Variants in PTBP3 observed in about 807,000 individuals in gnomAD.
PTBP3 encodes the protein polypyrimidine tract binding protein 3.
PTBP3 carries 20 observed loss-of-function variants against 58.7 expected under a neutral mutation model. The ratio of observed to expected loss-of-function variants is 0.34; its 90% CI spans 0.24 to 0.50. The LOEUF is 0.50. Among genes scored for constraint, PTBP3 ranks in the 20% least tolerant of loss-of-function variants. The probability of loss-of-function intolerance (pLI) is 0.98; values close to 1 mark genes in which losing one functional copy is unlikely to be tolerated. For synonymous variants in PTBP3, 185 were observed against 219.8 expected (o/e 0.84, Z 1.40); for missense variants, 509 against 637.2 (o/e 0.80, Z 2.17).
intron 1 of PTBP3, among the ~76,000 whole-genome samples, chr9:112,321,936 C>A (rs1460954759): frequency 1.3e-5 from 2 of 152,040 alleles, no homozygotes; most frequent in East Asian, 3.9e-4. Context: ...GAGATCAAGA[C>A]CATCCTGGCC....
chr9:112,353,560 TC>T, the PTBP3 span, among the ~76,000 whole-genome samples: 2 of 152,004 alleles, frequency 1.3e-5, no homozygotes, highest in African/African-American at 2.4e-5. Flanking sequence ...TTCCTTTTTT[TC>T]CCCTCTTTTC....
At position 112,220,125 on chromosome 9, in the gene PTBP3, C is replaced by G. The variant is rs1309783323; in HGVS notation, c.*3726G>C. ...TTTTGGTTTTAAAAATAGCAGTACACATTAGGTTTTCTAAGGGATAGGTGG... is the reference window on the plus strand; with the variant it reads ...TTTTGGTTTTAAAAATAGCAGTACAGATTAGGTTTTCTAAGGGATAGGTGG... On this transcript the variant is annotated 3_prime_UTR_variant, in exon 14 of 14. Coordinates refer to ENST00000374257, the MANE Select transcript of PTBP3 (RefSeq NM_001163788.4). 7.8e-7 allele frequency: 1 copy of G among 1,287,050 alleles called. No individual in the cohort carries two copies. Among genetic ancestry groups the G allele is most frequent in the Admixed American group, 2.3e-5 (1 of 42,842 alleles). 79.7% of individuals were successfully genotyped at this position (1,287,050 alleles called of 1,614,324 possible).
chr9:112,224,246 C>T (rs764492652), intron 12 of PTBP3, 36 bp from the exon 13 acceptor site: 4 of 1,324,066 alleles, frequency 3.0e-6, no homozygotes, highest in East Asian at 2.4e-5. Flanking sequence ...CTACCTGGGC[C>T]GCATTCTCAA....
At chr9:112,289,082 T>C (rs982173660) in intron 2 of PTBP3, among the ~76,000 whole-genome samples, 1 of 152,212 alleles carries the variant, frequency 6.6e-6, no homozygotes, top group African/African-American at 2.4e-5. Context: ...CCTAAGTAGC[T>C]AGGTGTGGCT....
At chr9:112,311,000 C>A (rs1057184930) in intron 1 of PTBP3, among the ~76,000 whole-genome samples, 13 of 152,114 alleles carry the variant, frequency 8.5e-5, no homozygotes, top group Admixed American at 2.6e-4. Context: ...TTCTAAAGAA[C>A]CTTACTCTGA....
At chr9:112,332,666 C>G in intron 1 of PTBP3, 1 of 1,252,216 alleles carries the variant, frequency 8.0e-7, no homozygotes, top group Non-Finnish European at 1.1e-6. Context: ...CCTGAGTCCC[C>G]AGAGAACAGT....
chr9:112,237,207 T>C (rs1835469715), intron 7 of PTBP3, among the ~76,000 whole-genome samples: 1 of 152,200 alleles, frequency 6.6e-6, no homozygotes, highest in South Asian at 2.1e-4. Context: ...TGCTAAAATT[T>C]GACAAAACAC....
Position 112,282,128 on chromosome 9 carries a change from G to A in PTBP3, c.35-6115C>T, listed in dbSNP as rs551372948. Among the ~76,000 whole-genome samples the A allele has an allele frequency of 1.7e-4, 26 of 152,250 alleles. 1 individual carries two copies. In the East Asian group the frequency reaches 4.8e-3, roughly 28 times the overall value. The stretch of plus-strand genomic sequence containing the variant: ...TGTAATCTAAACATTATTTCCCAAA[G>A]GTCCCAGCTCTAAATACCATCACAT... On this transcript the variant is annotated intron_variant, in intron 2 of 13. Coordinates refer to ENST00000374257, the MANE Select transcript of PTBP3 (RefSeq NM_001163788.4).
chr9:112,337,983 CA>C (rs200885350), upstream of PTBP3, among the ~76,000 whole-genome samples: 1,166 of 152,248 alleles, frequency 7.7e-3, 20 homozygotes, highest in African/African-American at 0.027. Flanking sequence ...ATGACAAATA[CA>C]AAATCATCAT....
chr9:112,243,131 T>TAA (rs34908344), intron 7 of PTBP3, among the ~76,000 whole-genome samples: 63,086 of 140,288 alleles, frequency 0.45, 14,240 homozygotes, highest in African/African-American at 0.52. Flanking sequence ...TCTTACAGCT[T>TAA]AAAAAAAAAA....
intron 10 of PTBP3, among the ~76,000 whole-genome samples, chr9:112,230,978 C>T (rs1169101241): frequency 7.1e-6 from 1 of 140,830 alleles, no homozygotes; most frequent in Non-Finnish European, 1.5e-5. Flanking sequence ...AGCTGTCCAC[C>T]TTCACCAGGT....
intron 7 of PTBP3, among the ~76,000 whole-genome samples, chr9:112,243,600 G>C (rs910887862): frequency 1.3e-5 from 2 of 152,174 alleles, no homozygotes; most frequent in Non-Finnish European, 2.9e-5. Flanking sequence ...ATTATCTGTA[G>C]ATGATATGAC....
intron 8 of PTBP3, 98 bp downstream of exon 8, chr9:112,234,719 GGTA>G: frequency 1.8e-6 from 2 of 1,125,008 alleles, no homozygotes; most frequent in South Asian, 2.7e-5. Context: ...AATGCTTTAT[GGTA>G]AATTCTTCAA....
intron 2 of PTBP3, among the ~76,000 whole-genome samples, chr9:112,284,223 T>C (rs1323538656): frequency 6.6e-6 from 1 of 152,156 alleles, no homozygotes; most frequent in African/African-American, 2.4e-5. Flanking sequence ...GCTTGCACCA[T>C]GCGCCTGGAA....
the PTBP3 span, among the ~76,000 whole-genome samples, chr9:112,349,429 G>A: frequency 0.46 from 69,218 of 151,878 alleles, 15,971 homozygotes; most frequent in African/African-American, 0.52. Flanking sequence ...CTAACCTGAA[G>A]AGGGAATCAC....
chr9:112,283,512 T>C (rs1827970932), intron 2 of PTBP3, among the ~76,000 whole-genome samples: 1 of 152,190 alleles, frequency 6.6e-6, no homozygotes. Context: ...TCAGATGATT[T>C]AGGGTATCTG....
At chr9:112,342,729 A>AAAGAAGAAGAAGAAGAAG in the PTBP3 span, among the ~76,000 whole-genome samples, 6,767 of 150,808 alleles carry the variant, frequency 0.045, 219 homozygotes, top group Admixed American at 0.083. Context: ...AAAGAAAAAC[A>AAAGAAGAAGAAGAAGAAG]AAGAAGAAGA....
chr9:112,247,272 A>T (rs201866468), intron 7 of PTBP3, among the ~76,000 whole-genome samples: 3 of 11,716 alleles, frequency 2.6e-4, no homozygotes, highest in Non-Finnish European at 3.8e-4. Flanking sequence ...TTTCAATAAT[A>T]AATAAATAAA....
chr9:112,262,564 G>T lies in PTBP3; in HGVS notation c.387C>A (p.Val129=), dbSNP rs1158002289. The T allele has an allele frequency of 1.9e-6, 3 of 1,610,082 alleles. No homozygotes were observed. The highest frequency in any genetic ancestry group is 1.3e-5 in the African/African-American group (1 of 74,718). The change falls in exon 5 of 14, where the codon GTC becomes GTA. Residue 129 remains valine, a synonymous_variant. Transcript: ENST00000374257. Reference sequence around the variant, plus strand: ...CAGAAAGGGCCAGGCTTCCTGATTGGACGGCACTGACAGCCTGCAGTGCAG... The same window carrying T: ...CAGAAAGGGCCAGGCTTCCTGATTGTACGGCACTGACAGCCTGCAGTGCAG... ...AQAALQAVSA[V]QSGSLALSGG...
Sources: allele counts gnomAD v4.1 joint callset (sites outside exome capture counted in the v4.1 genomes callset), GRCh38; gene constraint gnomAD v4.1.1; transcripts MANE v1.5; gene names NCBI Gene and HGNC (gene_info 2026-07-23, HGNC 2026-07-21).